Variants in RERE observed in about 807,000 individuals in gnomAD.
RERE encodes the protein arginine-glutamic acid dipeptide repeats, also known as arginine-glutamic acid dipeptide repeats protein.
Under a neutral mutation model 146.1 loss-of-function variants are expected in RERE, and 40 were observed. That is an observed-to-expected ratio of 0.27 (90% CI 0.21 to 0.36). RERE has a LOEUF of 0.36. Ranked by LOEUF, RERE falls within the 10% of genes least tolerant of loss-of-function variation. The probability of loss-of-function intolerance (pLI) is 1.00; values close to 1 mark genes in which losing one functional copy is unlikely to be tolerated. For missense variants in RERE, 1,933 were observed against 2,138.7 expected (o/e 0.90, Z 1.90); for synonymous variants, 1,003 against 866.0 (o/e 1.16, Z -2.78).
In RERE at chr1:8,364,369, T is replaced by G; in HGVS notation, c.1541-114A>C. On this transcript the variant is annotated intron_variant, in intron 14 of 22. Transcript: ENST00000400908. This position sits in a 1 kb window ranked among gnomAD's most constrained non-coding sequence, Gnocchi z 5.1. Reference sequence around the variant, plus strand: ...CCCAAACCTGATGCCACCAGCACCATGCAGCCCTGGGCCCCAACACCCCAG... The same window carrying G: ...CCCAAACCTGATGCCACCAGCACCAGGCAGCCCTGGGCCCCAACACCCCAG... 1 of 918,052 alleles carries G rather than the reference T, an allele frequency of 1.1e-6. No homozygotes were observed. The highest frequency in any genetic ancestry group is 1.7e-6 in the Non-Finnish European group (1 of 578,240). The allele number at this position is 918,052 out of a possible 1,614,324, so 56.9% of individuals were successfully genotyped here. A position where few individuals can be genotyped will look rare whatever the true frequency, so the allele number is the denominator to read the frequency against.
chr1:8,460,892 C>G (rs576090800), intron 11 of RERE, among the ~76,000 whole-genome samples: 4 of 152,286 alleles, frequency 2.6e-5, no homozygotes, highest in African/African-American at 9.6e-5. Context: ...CCAAACTCCA[C>G]AAGGAAAATG....
At chr1:8,722,861 TGGTCCTGGAACCAATCCCCCAC>T (rs760754262) in intron 1 of RERE, among the ~76,000 whole-genome samples, 1 of 152,178 alleles carries the variant, frequency 6.6e-6, no homozygotes, top group Non-Finnish European at 1.5e-5. Context: ...TACCCACCGA[TGGTCCTGGAACCAATCCCCCAC>T]GAATACTGAG....
intron 2 of RERE, among the ~76,000 whole-genome samples, chr1:8,627,419 T>C (rs933883086): frequency 6.6e-6 from 1 of 151,978 alleles, no homozygotes; most frequent in African/African-American, 2.4e-5. Context: ...CTGACCAACA[T>C]GGTGAAACCC....
rs543787744 is a variant in RERE at position 8,495,375 on chromosome 1, C to T, written c.1005-213G>A. ...TGTCATCCAGGCTGGAGTACAGTGG[C>T]GCAATCTTGGCTCACTGCAACCTCC... On this transcript the variant is annotated intron_variant, in intron 9 of 22. Coordinates refer to ENST00000400908, the MANE Select transcript of RERE (RefSeq NM_001042681.2). Among the ~76,000 whole-genome samples the T allele has an allele frequency of 4.0e-5, 6 of 151,340 alleles. No homozygotes were observed. In the South Asian group the frequency reaches 1.0e-3, roughly 26 times the overall value.
At chr1:8,490,191 T>C (rs758362674) in intron 10 of RERE, among the ~76,000 whole-genome samples, 2 of 151,132 alleles carry the variant, frequency 1.3e-5, no homozygotes, top group Non-Finnish European at 2.9e-5. Flanking sequence ...TGAAATCCTG[T>C]CTCTACGAAA....
chr1:8,440,499 G>T (rs1172219103), intron 11 of RERE, among the ~76,000 whole-genome samples: 1 of 151,574 alleles, frequency 6.6e-6, no homozygotes, highest in Non-Finnish European at 1.5e-5. Flanking sequence ...GCTGAGGCAG[G>T]AGAATCACTT....
chr1:8,551,810 G>A (rs770878464), intron 6 of RERE, among the ~76,000 whole-genome samples: 3 of 152,134 alleles, frequency 2.0e-5, no homozygotes, highest in Admixed American at 6.5e-5. Flanking sequence ...GTTAAAAAAC[G>A]TGACACTGGC....
chr1:8,392,409 T>G (rs1642914057), intron 12 of RERE, among the ~76,000 whole-genome samples: 1 of 152,260 alleles, frequency 6.6e-6, no homozygotes, highest in Non-Finnish European at 1.5e-5. Flanking sequence ...AATATCTCTA[T>G]CTATATATCT....
chr1:8,575,561 A>ATATATATTTT (rs1337650659), intron 4 of RERE, among the ~76,000 whole-genome samples: 4 of 98,678 alleles, frequency 4.1e-5, no homozygotes, highest in African/African-American at 1.9e-4. Flanking sequence ...ATATATATAT[A>ATATATATTTT]TTTTTTTTTT....
At chr1:8,777,190 C>T (rs1641080466) in intron 1 of RERE, among the ~76,000 whole-genome samples, 1 of 152,220 alleles carries the variant, frequency 6.6e-6, no homozygotes, top group Admixed American at 6.5e-5. Flanking sequence ...AACATTTACA[C>T]GGCAACCTAC....
intron 7 of RERE, among the ~76,000 whole-genome samples, chr1:8,516,315 G>A (rs1186400716): frequency 6.7e-6 from 1 of 148,796 alleles, no homozygotes; most frequent in African/African-American, 2.5e-5. Context: ...CAATTACTAA[G>A]TGCTTTCTAT....
chr1:8,367,898 C>A (rs969532974), intron 12 of RERE, among the ~76,000 whole-genome samples: 2 of 152,164 alleles, frequency 1.3e-5, no homozygotes, highest in Non-Finnish European at 2.9e-5. Flanking sequence ...GGAAAAGATT[C>A]GTAAATCCCA....
intron 7 of RERE, among the ~76,000 whole-genome samples, chr1:8,533,759 A>C (rs1341564580): frequency 6.6e-6 from 1 of 152,188 alleles, no homozygotes; most frequent in East Asian, 1.9e-4. Flanking sequence ...AATTCTTTGG[A>C]GCTCAGCTCC....
At chr1:8,731,002 TG>T (rs1264094655) in intron 1 of RERE, among the ~76,000 whole-genome samples, 1 of 152,018 alleles carries the variant, frequency 6.6e-6, no homozygotes, top group African/African-American at 2.4e-5. Flanking sequence ...ATTAGAGAAC[TG>T]GGGTCACAGA....
intron 1 of RERE, among the ~76,000 whole-genome samples, chr1:8,774,078 C>A (rs1481329471): frequency 6.6e-6 from 1 of 152,090 alleles, no homozygotes; most frequent in Non-Finnish European, 1.5e-5. Flanking sequence ...TACCTTGTTC[C>A]TAGGTGTCCT....
chr1:8,813,273 A>T (rs1363354154), intron 1 of RERE, among the ~76,000 whole-genome samples: 3 of 152,202 alleles, frequency 2.0e-5, no homozygotes, highest in African/African-American at 7.2e-5. Context: ...GACTCACTTA[A>T]ACATTTGAAT....
intron 10 of RERE, among the ~76,000 whole-genome samples, chr1:8,494,342 C>T (rs1379264162): frequency 6.6e-6 from 1 of 152,194 alleles, no homozygotes; most frequent in Non-Finnish European, 1.5e-5. Context: ...TACAAAAACA[C>T]GGCTTCTAGA....
intron 11 of RERE, among the ~76,000 whole-genome samples, chr1:8,452,411 C>G (rs1408970856): frequency 1.3e-5 from 2 of 152,180 alleles, no homozygotes; most frequent in Non-Finnish European, 2.9e-5. Flanking sequence ...TGCCATACTG[C>G]CAAGCAGTTA....
At chr1:8,399,814 AAAAT>A (rs762337226) in intron 12 of RERE, among the ~76,000 whole-genome samples, 1 of 151,950 alleles carries the variant, frequency 6.6e-6, no homozygotes, top group Non-Finnish European at 1.5e-5. Flanking sequence ...TTTAAAAAAA[AAAAT>A]AAAGAATTTG....
Sources: allele counts gnomAD v4.1 joint callset (sites outside exome capture counted in the v4.1 genomes callset), GRCh38; gene constraint gnomAD v4.1.1; non-coding constraint Gnocchi (gnomAD v3.1); transcripts MANE v1.5; gene names NCBI Gene and HGNC (gene_info 2026-07-23, HGNC 2026-07-21).